The following PHACTR1 variants were observed in gnomAD, a reference collection of about 807,000 sequenced individuals.
PHACTR1 encodes phosphatase and actin regulator 1, also known as RPEL repeat containing 1.
A neutral mutation model predicts 69.2 loss-of-function variants in PHACTR1; 16 were observed. The ratio of observed to expected loss-of-function variants is 0.23; its 90% confidence interval spans 0.16 to 0.35. The LOEUF (loss-of-function observed/expected upper bound fraction) is 0.35, where lower values mean the gene tolerates loss of function less well. Among genes scored for constraint, PHACTR1 ranks in the 10% least tolerant of loss-of-function variants. PHACTR1 has a pLI of 1.00. For synonymous variants in PHACTR1, 312 were observed against 284.5 expected (o/e 1.10, Z -0.97); for missense variants, 510 against 734.7 (o/e 0.69, Z 3.54).
Position 12,997,896 on chromosome 6 carries a change from T to C in PHACTR1, c.251-55469T>C, listed in dbSNP as rs765702432. 1.4e-3 allele frequency among the ~76,000 whole-genome samples: 220 copies of C among 152,124 alleles called. 2 individuals are homozygous for C. The highest frequency in any genetic ancestry group is 2.5e-4 in the Non-Finnish European group (17 of 68,000). On this transcript the variant is annotated intron_variant, in intron 4 of 14. Transcript: ENST00000332995. ...TGAACCCGGGAGGCAGAGCTTGCAG[T>C]GAGCCGAGATCACGCCACTGCACTC...
intron 13 of PHACTR1, among the ~76,000 whole-genome samples, chr6:13,284,355 T>A (rs1002957673): frequency 1.3e-5 from 2 of 151,056 alleles, no homozygotes. Flanking sequence ...CCATCTCTAC[T>A]AAAAATACAA....
chr6:13,281,250 G>T (rs1390689566), intron 12 of PHACTR1: 12 of 682,670 alleles, frequency 1.8e-5, no homozygotes, highest in Non-Finnish European at 2.5e-5. Context: ...CATCATGGGT[G>T]CACTCAGAAA....
chr6:13,123,206 T>A (rs1308621376), intron 5 of PHACTR1, among the ~76,000 whole-genome samples: 1 of 152,208 alleles, frequency 6.6e-6, no homozygotes, highest in Non-Finnish European at 1.5e-5. Context: ...GTGTAGGTAA[T>A]GACTTAGGAG....
At chr6:13,219,968 G>A (rs933266477) in intron 8 of PHACTR1, among the ~76,000 whole-genome samples, 3 of 152,146 alleles carry the variant, frequency 2.0e-5, no homozygotes, top group Non-Finnish European at 2.9e-5. Flanking sequence ...GATCACTGCC[G>A]AGTGATCACT....
chr6:12,805,999 G>T (rs890481002), intron 4 of PHACTR1, among the ~76,000 whole-genome samples: 3 of 152,094 alleles, frequency 2.0e-5, no homozygotes, highest in Non-Finnish European at 4.4e-5. Context: ...CTGCATTCTT[G>T]TTATTCTCCC....
At chr6:13,165,969 C>T (rs1759742363) in intron 6 of PHACTR1, among the ~76,000 whole-genome samples, 1 of 152,228 alleles carries the variant, frequency 6.6e-6, no homozygotes, top group African/African-American at 2.4e-5. Context: ...TTCCAGGTTT[C>T]TACAACAGCG....
At chr6:13,134,400 T>G (rs1217598018) in intron 5 of PHACTR1, among the ~76,000 whole-genome samples, 1 of 152,216 alleles carries the variant, frequency 6.6e-6, no homozygotes, top group Non-Finnish European at 1.5e-5. Context: ...TTGCTGTGTC[T>G]GTGTAGAAAG....
At position 12,917,804 on chromosome 6, in the gene PHACTR1, C is replaced by T. The variant is rs1235189657; in HGVS notation, c.251-135561C>T. Among the ~76,000 whole-genome samples the T allele has an allele frequency of 2.6e-5, 4 of 151,932 alleles. No homozygotes were observed. In the South Asian group the frequency reaches 6.3e-4, roughly 24 times the overall value. Reference sequence around the variant, plus strand: ...CAAACAAAGGAAAAGCAGCTCAAACCGAGAGGTGAATATCGCCCCTCATGT... The same window carrying T: ...CAAACAAAGGAAAAGCAGCTCAAACTGAGAGGTGAATATCGCCCCTCATGT... On this transcript the variant is annotated intron_variant, in intron 4 of 14. Transcript: ENST00000332995.
chr6:13,128,417 G>T (rs1819895167), intron 5 of PHACTR1, among the ~76,000 whole-genome samples: 1 of 151,228 alleles, frequency 6.6e-6, no homozygotes, highest in Non-Finnish European at 1.5e-5. Flanking sequence ...GTAGGATATG[G>T]ATGAAAAATG....
At chr6:13,162,832 G>C (rs1225473990) in intron 6 of PHACTR1, among the ~76,000 whole-genome samples, 1 of 152,098 alleles carries the variant, frequency 6.6e-6, no homozygotes, top group African/African-American at 2.4e-5. Context: ...ACTCCAGACT[G>C]TTGGTGCCCC....
At chr6:12,897,173 T>A (rs1027790756) in intron 4 of PHACTR1, among the ~76,000 whole-genome samples, 17 of 152,372 alleles carry the variant, frequency 1.1e-4, no homozygotes, top group Admixed American at 9.1e-4. Context: ...CCTTGGCTTC[T>A]GTGTCCCTCT....
At chr6:12,997,607 A>G (rs1024913223) in intron 4 of PHACTR1, among the ~76,000 whole-genome samples, 1 of 152,144 alleles carries the variant, frequency 6.6e-6, no homozygotes, top group Non-Finnish European at 1.5e-5. Flanking sequence ...TCAAACATTT[A>G]TCATTTTTTG....
At chr6:13,051,459 G>A (rs1805931524) in intron 4 of PHACTR1, among the ~76,000 whole-genome samples, 1 of 152,092 alleles carries the variant, frequency 6.6e-6, no homozygotes, top group African/African-American at 2.4e-5. Flanking sequence ...TCTGGTTCCA[G>A]ACCCTCCAAC....
intron 4 of PHACTR1, among the ~76,000 whole-genome samples, chr6:12,855,346 G>A (rs1780241614): frequency 6.6e-6 from 1 of 152,166 alleles, no homozygotes; most frequent in South Asian, 2.1e-4. Context: ...CAGCTTTTCA[G>A]GAGGCTGAGG....
At chr6:13,104,327 A>T (rs1815714968) in intron 5 of PHACTR1, among the ~76,000 whole-genome samples, 1 of 152,218 alleles carries the variant, frequency 6.6e-6, no homozygotes, top group African/African-American at 2.4e-5. Flanking sequence ...CAAATGTTTT[A>T]TGTAATCTGG....
intron 6 of PHACTR1, among the ~76,000 whole-genome samples, chr6:13,165,545 T>C (rs971553617): frequency 3.3e-5 from 5 of 152,118 alleles, no homozygotes; most frequent in African/African-American, 1.2e-4. Flanking sequence ...TACTCAGAAA[T>C]AGGAAATAAT....
chr6:13,272,671 C>G, intron 10 of PHACTR1, 189 bp from the exon 11 acceptor site: 1 of 1,493,822 alleles, frequency 6.7e-7, no homozygotes, highest in Non-Finnish European at 8.9e-7. Context: ...ACATGACGCA[C>G]GTGCCTCTCC....
intron 7 of PHACTR1, among the ~76,000 whole-genome samples, chr6:13,204,803 C>T (rs78911927): frequency 0.016 from 2,406 of 152,246 alleles, 28 homozygotes; most frequent in Non-Finnish European, 0.024. Flanking sequence ...GCAGGATGGT[C>T]GTCCCTAGGT....
chr6:12,821,563 C>T (rs1776222809), intron 4 of PHACTR1, among the ~76,000 whole-genome samples: 1 of 149,932 alleles, frequency 6.7e-6, no homozygotes, highest in Non-Finnish European at 1.5e-5. Context: ...CCCCAGGAAA[C>T]TTCATACCTC....
Sources: allele counts gnomAD v4.1 joint callset (sites outside exome capture counted in the v4.1 genomes callset), GRCh38; gene constraint gnomAD v4.1.1; transcripts MANE v1.5; gene names NCBI Gene and HGNC (gene_info 2026-07-23, HGNC 2026-07-21).